The following PDE1C variants were observed in gnomAD, a reference collection of about 807,000 sequenced individuals.
The protein encoded by PDE1C is phosphodiesterase 1C, also known as dual specificity calcium/calmodulin-dependent 3',5'-cyclic nucleotide phosphodiesterase 1C.
PDE1C carries 62 observed loss-of-function variants against 93.1 expected under a neutral mutation model. The ratio of observed to expected loss-of-function variants is 0.67; its 90% CI spans 0.54 to 0.82. The LOEUF (loss-of-function observed/expected upper bound fraction) is 0.82. PDE1C is among the 40% of genes least tolerant of loss of function. PDE1C has a pLI of 0.00. For missense variants in PDE1C, 742 were observed against 884.6 expected, an observed-to-expected ratio of 0.84 and a Z score of 2.04; for synonymous variants, 325 against 310.1, an observed-to-expected ratio of 1.05 and a Z score of -0.50.
intron 3 of PDE1C, among the ~76,000 whole-genome samples, chr7:32,115,915 A>T (rs568523898): frequency 6.6e-6 from 1 of 152,344 alleles, no homozygotes; most frequent in African/African-American, 2.4e-5. Flanking sequence ...GTGACTTGTC[A>T]GCAATCCATC....
the PDE1C span, among the ~76,000 whole-genome samples, chr7:31,639,438 T>A: frequency 1.7e-4 from 1 of 5,908 alleles, no homozygotes; most frequent in Non-Finnish European, 3.0e-4. Flanking sequence ...CAATTTGGGT[T>A]TTTTTTAAAT....
chr7:32,404,027 A>T (rs1193640970), intron 1 of PDE1C, among the ~76,000 whole-genome samples: 1 of 152,158 alleles, frequency 6.6e-6, no homozygotes, highest in Non-Finnish European at 1.5e-5. Context: ...ATCTACATAC[A>T]CATGTACATA....
chr7:32,201,718 G>GCA (rs1379244867), intron 2 of PDE1C, among the ~76,000 whole-genome samples: 2 of 152,216 alleles, frequency 1.3e-5, no homozygotes, highest in Non-Finnish European at 2.9e-5. Flanking sequence ...GCCAGGAGCA[G>GCA]CATGGGCAAA....
At chr7:32,313,043 A>C (rs1345735881) in intron 1 of PDE1C, among the ~76,000 whole-genome samples, 1 of 151,028 alleles carries the variant, frequency 6.6e-6, no homozygotes, top group Non-Finnish European at 1.5e-5. Context: ...CAATGAACTC[A>C]AACAAATTTA....
intron 17 of PDE1C, among the ~76,000 whole-genome samples, chr7:31,767,422 G>A (rs760947613): frequency 1.3e-5 from 2 of 151,944 alleles, no homozygotes; most frequent in Admixed American, 1.3e-4. Flanking sequence ...AAAAGTGTGC[G>A]GCACCTCCTC....
intron 1 of PDE1C, among the ~76,000 whole-genome samples, chr7:32,275,272 T>C (rs1811205644): frequency 6.6e-6 from 1 of 152,072 alleles, no homozygotes; most frequent in South Asian, 2.1e-4. Flanking sequence ...CTCGAACACT[T>C]TGACATGTAT....
intron 14 of PDE1C, among the ~76,000 whole-genome samples, chr7:31,817,603 A>G (rs1315339026): frequency 2.0e-5 from 3 of 152,128 alleles, no homozygotes; most frequent in African/African-American, 4.8e-5. Flanking sequence ...ATCAACTTCC[A>G]CTGGGAAAAG....
intron 2 of PDE1C, among the ~76,000 whole-genome samples, chr7:32,176,698 C>CGT (rs1803015472): frequency 2.0e-5 from 3 of 151,662 alleles, no homozygotes; most frequent in South Asian, 2.1e-4. Context: ...TGCACACACA[C>CGT]GTACTCACAC....
intron 1 of PDE1C, among the ~76,000 whole-genome samples, chr7:32,319,495 C>T (rs1783243400): frequency 6.6e-6 from 1 of 152,188 alleles, no homozygotes. Context: ...TCCCCCAGGC[C>T]CCTGGATTGA....
At chr7:31,871,250 A>T (rs1157240325) in intron 6 of PDE1C, among the ~76,000 whole-genome samples, 1 of 152,054 alleles carries the variant, frequency 6.6e-6, no homozygotes, top group Non-Finnish European at 1.5e-5. Context: ...GGACTTAAAC[A>T]TAATACTCAA....
chr7:32,395,688 C>T (rs1446258461), intron 1 of PDE1C, among the ~76,000 whole-genome samples: 1 of 152,094 alleles, frequency 6.6e-6, no homozygotes, highest in East Asian at 1.9e-4. Context: ...CAAGAAGAAA[C>T]ATTTTAGTTA....
intron 1 of PDE1C, among the ~76,000 whole-genome samples, chr7:32,254,265 C>G (rs993888848): frequency 1.3e-5 from 2 of 152,162 alleles, no homozygotes; most frequent in African/African-American, 4.8e-5. Flanking sequence ...TCTGAGGGAG[C>G]TGGAGGTCCT....
chr7:32,113,759 G>C (rs1391917960), intron 3 of PDE1C, among the ~76,000 whole-genome samples: 2 of 151,898 alleles, frequency 1.3e-5, no homozygotes, highest in African/African-American at 4.8e-5. Context: ...GCAAAGTTGA[G>C]CTTATTATAT....
At chr7:31,963,992 T>C (rs1034018031) in intron 2 of PDE1C, among the ~76,000 whole-genome samples, 5 of 152,256 alleles carry the variant, frequency 3.3e-5, no homozygotes, top group East Asian at 1.9e-4. Context: ...GGTGGCCAAA[T>C]AGGAACAGCT....
intron 2 of PDE1C, among the ~76,000 whole-genome samples, chr7:31,925,982 C>A (rs1365211110): frequency 6.6e-6 from 1 of 151,998 alleles, no homozygotes; most frequent in Non-Finnish European, 1.5e-5. Context: ...TTCCTGCCCA[C>A]CCCAACCCAG....
At chr7:31,697,455 T>C in the PDE1C span, among the ~76,000 whole-genome samples, 1 of 152,216 alleles carries the variant, frequency 6.6e-6, no homozygotes, top group Non-Finnish European at 1.5e-5. Flanking sequence ...TTGCGTCTTA[T>C]GGCTGGTTCT....
upstream of PDE1C, among the ~76,000 whole-genome samples, chr7:32,303,086 G>T (rs1448959744): frequency 1.3e-5 from 2 of 152,168 alleles, no homozygotes; most frequent in Non-Finnish European, 2.9e-5. Flanking sequence ...CCATTTCTGG[G>T]AATAGGAATT....
upstream of PDE1C, chr7:32,071,503 C>T (rs867003980): frequency 2.6e-6 from 2 of 779,982 alleles, no homozygotes; most frequent in African/African-American, 1.9e-5. Context: ...TTCACCCCCC[C>T]ACCCCCATCT....
At chr7:32,348,521 T>C (rs1424759016) in intron 1 of PDE1C, among the ~76,000 whole-genome samples, 2 of 151,968 alleles carry the variant, frequency 1.3e-5, no homozygotes, top group African/African-American at 2.4e-5. Context: ...CCTGCCACCA[T>C]GCCTGGCTAA....
Sources: allele counts gnomAD v4.1 joint callset (sites outside exome capture counted in the v4.1 genomes callset), GRCh38; gene constraint gnomAD v4.1.1; transcripts MANE v1.5; gene names NCBI Gene and HGNC (gene_info 2026-07-23, HGNC 2026-07-21).